TSGA10: variants seen among roughly 807,000 people sequenced by gnomAD.
TSGA10 encodes testis specific 10.
A neutral mutation model predicts 96.6 loss-of-function variants in TSGA10; 43 were observed. That is an observed-to-expected ratio of 0.44 (90% confidence interval 0.35 to 0.57). TSGA10 has a LOEUF of 0.57. TSGA10 is among the 20% of genes least tolerant of loss of function. The pLI is 0.01. For missense variants in TSGA10, 703 were observed against 834.4 expected (o/e 0.84, Z 1.94); for synonymous variants, 229 against 269.9 (o/e 0.85, Z 1.48).
chr2:99,102,545 G>A (rs2090889791), intron 10 of TSGA10: 1 of 1,614,140 alleles, frequency 6.2e-7, no homozygotes, highest in African/African-American at 1.3e-5. Context: ...ACCAGGCTCT[G>A]GATGCTCAGC....
intron 16 of TSGA10, among the ~76,000 whole-genome samples, chr2:99,048,890 A>C (rs1251280121): frequency 1.3e-5 from 2 of 152,212 alleles, no homozygotes; most frequent in African/African-American, 2.4e-5. Flanking sequence ...AGAAGAAAAA[A>C]AACAGACGAC....
chr2:99,131,569 G>A lies in TSGA10; in HGVS notation c.-620-4393C>T, dbSNP rs956206655. The stretch of plus-strand genomic sequence containing the variant: ...TATACAATCATGTCATCTGCAAACA[G>A]AGACAATTTGACTCCTCTCTTCCTA... On this transcript the variant is annotated intron_variant, in intron 1 of 20. Transcript: ENST00000393483. Among the ~76,000 whole-genome samples the A allele has an allele frequency of 2.0e-5, 3 of 152,302 alleles. No individual in the cohort carries two copies. In the South Asian group the frequency reaches 6.2e-4, roughly 32 times the overall value.
At chr2:99,047,844 C>T (rs1490534900) in intron 16 of TSGA10, among the ~76,000 whole-genome samples, 2 of 152,172 alleles carry the variant, frequency 1.3e-5, no homozygotes, top group Non-Finnish European at 2.9e-5. Context: ...CCCAAAATCT[C>T]CTTAAGCTGA....
At chr2:99,005,522 T>C (rs908389697) in intron 20 of TSGA10, among the ~76,000 whole-genome samples, 1 of 152,152 alleles carries the variant, frequency 6.6e-6, no homozygotes, top group Non-Finnish European at 1.5e-5. Context: ...AGCCAAATCA[T>C]GAGTGAACTC....
intron 20 of TSGA10, among the ~76,000 whole-genome samples, chr2:98,998,844 T>C (rs2077652610): frequency 6.6e-6 from 1 of 152,160 alleles, no homozygotes; most frequent in Admixed American, 6.5e-5. Context: ...TGTGGGACTG[T>C]CTGTGGTATT....
intron 10 of TSGA10, among the ~76,000 whole-genome samples, chr2:99,096,252 C>T (rs1216619061): frequency 1.3e-5 from 2 of 152,092 alleles, no homozygotes; most frequent in Non-Finnish European, 2.9e-5. Context: ...CAGTGCTTGC[C>T]GCCCCTTATC....
intron 17 of TSGA10, among the ~76,000 whole-genome samples, chr2:99,032,825 T>C: frequency 6.6e-6 from 1 of 152,190 alleles, no homozygotes; most frequent in East Asian, 1.9e-4. Context: ...CAGAGGATAT[T>C]GTGAGACAAT....
chr2:99,046,120 A>G (rs2082750053), intron 16 of TSGA10, among the ~76,000 whole-genome samples: 1 of 152,166 alleles, frequency 6.6e-6, no homozygotes, highest in South Asian at 2.1e-4. Context: ...ACATAATAAT[A>G]ATGGGAGACT....
At chr2:99,090,906 T>C (rs1279010809) in intron 10 of TSGA10, among the ~76,000 whole-genome samples, 1 of 152,094 alleles carries the variant, frequency 6.6e-6, no homozygotes. Context: ...GACATCCAAA[T>C]ACAAGAAGCT....
chr2:99,039,354 G>A (rs1466213516), intron 16 of TSGA10, among the ~76,000 whole-genome samples: 1 of 149,042 alleles, frequency 6.7e-6, no homozygotes, highest in African/African-American at 2.4e-5. Context: ...CAAAAAGCTG[G>A]TTGAGAAGAT....
At chr2:99,062,754 T>C (rs2084840622) in intron 16 of TSGA10, among the ~76,000 whole-genome samples, 1 of 151,998 alleles carries the variant, frequency 6.6e-6, no homozygotes, top group Non-Finnish European at 1.5e-5. Flanking sequence ...ACAAACAAAC[T>C]TTAGTAATTA....
chr2:99,034,984 T>C (rs1300653337), intron 17 of TSGA10, among the ~76,000 whole-genome samples: 1 of 152,176 alleles, frequency 6.6e-6, no homozygotes, highest in Non-Finnish European at 1.5e-5. Flanking sequence ...GCTATGTCAA[T>C]GTGTTTTATG....
chr2:99,021,358 A>G (rs1423798636), intron 17 of TSGA10, among the ~76,000 whole-genome samples: 1 of 152,194 alleles, frequency 6.6e-6, no homozygotes, highest in East Asian at 1.9e-4. Context: ...AAAGGAAACA[A>G]CTGGAAGACA....
intron 12 of TSGA10, among the ~76,000 whole-genome samples, chr2:99,076,901 A>C (rs1458044871): frequency 6.6e-6 from 1 of 151,806 alleles, no homozygotes; most frequent in Non-Finnish European, 1.5e-5. Flanking sequence ...CCTGACTACT[A>C]TCTAGTCATT....
At chr2:99,059,606 A>G (rs1442568596) in intron 16 of TSGA10, among the ~76,000 whole-genome samples, 1 of 149,546 alleles carries the variant, frequency 6.7e-6, no homozygotes, top group African/African-American at 2.5e-5. Context: ...GCCACTGCAC[A>G]CCAGCCTGGG....
chr2:99,048,952 A>C (rs1368047271), intron 16 of TSGA10, among the ~76,000 whole-genome samples: 1 of 152,226 alleles, frequency 6.6e-6, no homozygotes, highest in Non-Finnish European at 1.5e-5. Context: ...AAAAGAAGAC[A>C]CTTATGCAGC....
chr2:99,013,209 T>A (rs780958956), intron 20 of TSGA10, among the ~76,000 whole-genome samples: 1 of 152,186 alleles, frequency 6.6e-6, no homozygotes, highest in Non-Finnish European at 1.5e-5. Context: ...CCCAGAGGTT[T>A]TGATAAGTTG....
intron 16 of TSGA10, among the ~76,000 whole-genome samples, chr2:99,057,865 A>G (rs955829093): frequency 1.3e-5 from 2 of 152,208 alleles, no homozygotes; most frequent in African/African-American, 2.4e-5. Context: ...AGCAATAGTA[A>G]TTATGCCAGT....
intron 16 of TSGA10, among the ~76,000 whole-genome samples, chr2:99,061,466 G>C (rs2084678231): frequency 6.6e-6 from 1 of 151,970 alleles, no homozygotes; most frequent in Non-Finnish European, 1.5e-5. Flanking sequence ...TTTATCCTTT[G>C]TGTTACAAAT....
Sources: gnomAD v4.1 joint callset for allele counts (sites outside exome capture counted in the v4.1 genomes callset) on GRCh38, gnomAD v4.1.1 for gene constraint, MANE v1.5 for transcripts, NCBI Gene and HGNC (gene_info 2026-07-23, HGNC 2026-07-21) for gene names.